The following E2F3 variants were observed in gnomAD, a reference collection of about 807,000 sequenced individuals.
E2F3 encodes E2F transcription factor 3, also known as transcription factor E2F3.
Under a neutral mutation model 44.4 loss-of-function variants are expected in E2F3, and 11 were observed. That is an observed-to-expected ratio of 0.25 (90% CI 0.16 to 0.41). The LOEUF is 0.41. E2F3 is among the 10% of genes least tolerant of loss of function. E2F3 has a pLI of 1.00. For missense variants in E2F3, 487 were observed against 583.6 expected (o/e 0.83, Z 1.70); for synonymous variants, 249 against 253.0 (o/e 0.98, Z 0.15).
chr6:20,489,157 T>G (rs1161027785), intron 6 of E2F3, among the ~76,000 whole-genome samples: 1 of 152,190 alleles, frequency 6.6e-6, no homozygotes, highest in African/African-American at 2.4e-5. Flanking sequence ...TAAGGGTGAT[T>G]TAAGTGAATA....
intron 1 of E2F3, 118 bp from the exon 2 acceptor site, chr6:20,479,728 G>A (rs1762159785): frequency 1.3e-6 from 1 of 766,944 alleles, no homozygotes; most frequent in Non-Finnish European, 2.2e-6. Context: ...GTGGGGTGGA[G>A]CAGAGGGGTG....
intron 1 of E2F3, among the ~76,000 whole-genome samples, chr6:20,407,208 G>T (rs1759521565): frequency 2.6e-5 from 4 of 152,158 alleles, no homozygotes; most frequent in Non-Finnish European, 1.5e-5. Context: ...CCAAGTTTAA[G>T]CTGGGAGACA....
intron 4 of E2F3, among the ~76,000 whole-genome samples, chr6:20,485,600 A>G (rs759617003): frequency 5.9e-5 from 9 of 152,064 alleles, no homozygotes; most frequent in Non-Finnish European, 1.3e-4. Flanking sequence ...GGAAATAACT[A>G]CCAAGAGTAC....
Position 20,402,409 on chromosome 6 carries a change from G to T in E2F3, c.177G>T (p.Gln59His). 1 of 1,609,782 alleles carries T rather than the reference G, an allele frequency of 6.2e-7. No individual in the cohort carries two copies. The highest frequency in any genetic ancestry group is 8.5e-7 in the Non-Finnish European group (1 of 1,179,026). ...CCGCCGCCCCGGGCGCGTACATCCA[G>T]ATCCTCACCACGAACACTTCCACCA... ...AAAAAPGAYI[Q>H]ILTTNTSTTS... Residue 59 changes from glutamine (Q) to histidine (H), a missense_variant, in exon 1 of 7, where the codon CAG (glutamine) becomes CAT (histidine). By Grantham distance (24) the Gln-to-His change is conservative. This residue lies in a region of E2F3 where 238 missense variants were observed against 236.0 expected (regional missense o/e 1.01). Coordinates refer to ENST00000346618, the MANE Select transcript of E2F3 (RefSeq NM_001949.5). The surrounding 1 kb of genome is among the most constrained non-coding windows in gnomAD (Gnocchi z 5.6).
intron 1 of E2F3, among the ~76,000 whole-genome samples, chr6:20,424,423 GC>G (rs1760142325): frequency 2.6e-5 from 4 of 151,726 alleles, no homozygotes; most frequent in African/African-American, 9.7e-5. Flanking sequence ...ATGCATACAT[GC>G]ATGTATGTGC....
chr6:20,413,186 A>G (rs1025514150), intron 1 of E2F3, among the ~76,000 whole-genome samples: 2 of 152,198 alleles, frequency 1.3e-5, no homozygotes, highest in Non-Finnish European at 2.9e-5. Context: ...AATCCAAGAT[A>G]CCTGTCAAAA....
chr6:20,436,930 G>T (rs1760605736), intron 1 of E2F3, among the ~76,000 whole-genome samples: 1 of 152,114 alleles, frequency 6.6e-6, no homozygotes, highest in Admixed American at 6.5e-5. Context: ...AACCAGCCTG[G>T]GCAGCACAGT....
chr6:20,488,387 A>G, intron 6 of E2F3, 139 bp downstream of exon 6: 1 of 1,067,626 alleles, frequency 9.4e-7, no homozygotes, highest in Non-Finnish European at 1.3e-6. Flanking sequence ...AGACATTCTG[A>G]CTGGTTTGCA....
intron 5 of E2F3, 75 bp downstream of exon 5, chr6:20,486,878 TAGTTAA>T: frequency 1.1e-6 from 1 of 951,710 alleles, no homozygotes; most frequent in Non-Finnish European, 1.6e-6. Context: ...CATTGACTCA[TAGTTAA>T]AGTCTGTCCC....
At chr6:20,483,086 C>A (rs1762284394) in intron 4 of E2F3, among the ~76,000 whole-genome samples, 166 bp downstream of exon 4, 1 of 151,860 alleles carries the variant, frequency 6.6e-6, no homozygotes, top group African/African-American at 2.4e-5. Flanking sequence ...TGTGTGTAAA[C>A]CCAGTTAGCT....
At chr6:20,406,788 C>G (rs1210280022) in intron 1 of E2F3, among the ~76,000 whole-genome samples, 1 of 152,172 alleles carries the variant, frequency 6.6e-6, no homozygotes, top group South Asian at 2.1e-4. Context: ...GACCTGAACT[C>G]TCAATCTTCA....
At chr6:20,414,289 C>G (rs1404751178) in intron 1 of E2F3, among the ~76,000 whole-genome samples, 1 of 152,150 alleles carries the variant, frequency 6.6e-6, no homozygotes, top group Non-Finnish European at 1.5e-5. Flanking sequence ...GACGAGCCAT[C>G]AGATGTTATT....
chr6:20,442,259 C>T (rs568208663), intron 1 of E2F3, among the ~76,000 whole-genome samples: 2 of 152,270 alleles, frequency 1.3e-5, no homozygotes, highest in African/African-American at 2.4e-5. Context: ...GAAGTATGCT[C>T]GCCCTGCCTC....
intron 1 of E2F3, among the ~76,000 whole-genome samples, chr6:20,471,349 G>C (rs539943794): frequency 6.6e-6 from 1 of 152,180 alleles, no homozygotes; most frequent in Non-Finnish European, 1.5e-5. Context: ...TTGGGAGGCC[G>C]AAGCGGGTGC....
intron 1 of E2F3, among the ~76,000 whole-genome samples, chr6:20,463,610 C>A (rs963368557): frequency 6.6e-6 from 1 of 152,254 alleles, no homozygotes. Context: ...AAGGTTTTCG[C>A]TGGGTATGTC....
At chr6:20,455,188 C>G (rs1452383614) in intron 1 of E2F3, among the ~76,000 whole-genome samples, 1 of 152,200 alleles carries the variant, frequency 6.6e-6, no homozygotes, top group Non-Finnish European at 1.5e-5. Flanking sequence ...AAGCTGAAAT[C>G]AACTCCTTTT....
At chr6:20,420,890 A>T (rs1204273224) in intron 1 of E2F3, among the ~76,000 whole-genome samples, 1 of 152,220 alleles carries the variant, frequency 6.6e-6, no homozygotes, top group Non-Finnish European at 1.5e-5. Context: ...ACTATTTGAT[A>T]GCATTTTTCC....
At chr6:20,442,110 C>A (rs935917722) in intron 1 of E2F3, among the ~76,000 whole-genome samples, 1 of 151,884 alleles carries the variant, frequency 6.6e-6, no homozygotes, top group Non-Finnish European at 1.5e-5. Context: ...TTGGCTTTGG[C>A]TAGAGAAAGG....
In E2F3 at chr6:20,491,410, A is replaced by G. The variant is rs1278368089; in HGVS notation, c.*980A>G. ...TGATCTAAGGTTTATCAGCCTCTGCAAGGAGCTTTGTCCCATCGTGCTTCC... is the reference window on the plus strand; with the variant it reads ...TGATCTAAGGTTTATCAGCCTCTGCGAGGAGCTTTGTCCCATCGTGCTTCC... On this transcript the variant is annotated 3_prime_UTR_variant, in exon 7 of 7. Coordinates refer to ENST00000346618, the MANE Select transcript of E2F3 (RefSeq NM_001949.5). The G allele has an allele frequency of 4.4e-6, 1 of 225,740 alleles. No homozygotes were observed. Among genetic ancestry groups the G allele is most frequent in the Non-Finnish European group, 8.8e-6 (1 of 113,070 alleles). The allele number at this position is 225,740 out of a possible 1,614,324, so 14.0% of individuals were successfully genotyped here.
Sources: allele counts gnomAD v4.1 joint callset (sites outside exome capture counted in the v4.1 genomes callset), GRCh38; gene constraint gnomAD v4.1.1; regional missense constraint gnomAD v4.1.1; non-coding constraint Gnocchi (gnomAD v3.1); transcripts MANE v1.5; gene names NCBI Gene and HGNC (gene_info 2026-07-23, HGNC 2026-07-21).